The following MYT1L variants were observed in gnomAD, a reference collection of about 807,000 sequenced individuals.
MYT1L encodes the protein myelin transcription factor 1 like.
A neutral mutation model predicts 126.7 loss-of-function variants in MYT1L; 12 were observed. The observed-to-expected ratio is 0.09, with a 90% CI of 0.06 to 0.15. The LOEUF is 0.15. MYT1L is among the 10% of genes least tolerant of loss of function. The probability of loss-of-function intolerance (pLI) is 1.00; values close to 1 mark genes in which losing one functional copy is unlikely to be tolerated. For missense variants in MYT1L, 979 were observed against 1,585.2 expected (o/e 0.62, Z 6.49); for synonymous variants, 541 against 604.2 (o/e 0.90, Z 1.53).
At position 2,086,642 on chromosome 2, in the gene MYT1L, C is replaced by T. The variant is rs75364491; in HGVS notation, c.-303-32519G>A. On this transcript the variant is annotated intron_variant, in intron 3 of 24. Coordinates refer to ENST00000647738, the MANE Select transcript of MYT1L (RefSeq NM_001303052.2). ...TGAAGGTCCCTGGCTTCTGCCTGCC[C>T]TGCTGTTGGTTCTGAGGCTAGCAAA... Among the ~76,000 whole-genome samples the T allele has an allele frequency of 7.5e-3, 1,141 of 152,266 alleles. 8 individuals carry two copies. Among genetic ancestry groups the T allele is most frequent in the Middle Eastern group, 0.024 (7 of 294 alleles).
At chr2:2,319,609 A>G (rs1344289033) in intron 1 of MYT1L, among the ~76,000 whole-genome samples, 1 of 152,118 alleles carries the variant, frequency 6.6e-6, no homozygotes, top group Admixed American at 6.5e-5. Flanking sequence ...GGTCACCTGG[A>G]TTCCTGAAGT....
At chr2:1,944,731 T>C (rs1185640823) in intron 8 of MYT1L, among the ~76,000 whole-genome samples, 1 of 152,224 alleles carries the variant, frequency 6.6e-6, no homozygotes, top group East Asian at 1.9e-4. Flanking sequence ...CTTTATGCTC[T>C]AACAAGGGAT....
intron 21 of MYT1L, among the ~76,000 whole-genome samples, chr2:1,822,763 ACGG>A (rs2038735690): frequency 9.8e-6 from 1 of 102,518 alleles, no homozygotes; most frequent in South Asian, 3.0e-4. Context: ...TGCTGTGTCC[ACGG>A]TGAAACCCTC....
At chr2:2,148,935 C>T (rs1328824419) in intron 3 of MYT1L, among the ~76,000 whole-genome samples, 1 of 152,090 alleles carries the variant, frequency 6.6e-6, no homozygotes, top group East Asian at 1.9e-4. Context: ...CTGTAAGGAG[C>T]CCTGCCTCCC....
chr2:2,037,613 G>T (rs1053228345), intron 4 of MYT1L, among the ~76,000 whole-genome samples: 2 of 151,682 alleles, frequency 1.3e-5, no homozygotes, highest in Non-Finnish European at 2.9e-5. Context: ...AAAACTAGCT[G>T]GTCATGGTGG....
intron 3 of MYT1L, among the ~76,000 whole-genome samples, chr2:2,088,970 A>T (rs573108381): frequency 2.0e-4 from 30 of 152,346 alleles, no homozygotes; most frequent in Non-Finnish European, 4.3e-4. Context: ...TTGTTAAAAG[A>T]AATAGTTGTA....
chr2:1,877,681 C>G (rs1007421256), intron 18 of MYT1L, among the ~76,000 whole-genome samples: 1 of 152,098 alleles, frequency 6.6e-6, no homozygotes, highest in African/African-American at 2.4e-5. Context: ...CTGGGACAGG[C>G]AGGGGTTCCG....
chr2:1,810,360 C>G (rs1485697724), intron 21 of MYT1L, among the ~76,000 whole-genome samples: 2 of 151,978 alleles, frequency 1.3e-5, no homozygotes, highest in Admixed American at 1.3e-4. Flanking sequence ...GGCTGGTCTT[C>G]AACTCCTGAC....
rs1381940172 is a variant in MYT1L, at chr2:1,912,171, T to C, written c.1619-61A>G. On this transcript the variant is annotated intron_variant, in intron 11 of 24. Coordinates refer to ENST00000647738, the MANE Select transcript of MYT1L (RefSeq NM_001303052.2). The surrounding 1 kb of genome is among the most constrained non-coding windows in gnomAD (Gnocchi z 4.3). ...AAAACAGAGGCACGGTTAGGGCACATGAAAATGCAGTCATTTAACAAAGGC... is the reference window on the plus strand; with the variant it reads ...AAAACAGAGGCACGGTTAGGGCACACGAAAATGCAGTCATTTAACAAAGGC... The C allele has an allele frequency of 1.6e-5, 20 of 1,227,698 alleles. No homozygotes were observed. Among genetic ancestry groups the C allele is most frequent in the Non-Finnish European group, 2.3e-5 (20 of 878,390 alleles). 76.1% of individuals were successfully genotyped at this position (1,227,698 alleles called of 1,614,324 possible). A position where few individuals can be genotyped will look rare whatever the true frequency, so the allele number is the denominator to read the frequency against.
At chr2:1,964,546 G>A (rs114597514) in intron 8 of MYT1L, among the ~76,000 whole-genome samples, 460 of 152,048 alleles carry the variant, frequency 3.0e-3, no homozygotes, top group South Asian at 0.013. Flanking sequence ...CTAAGAAAAC[G>A]CCTCCAAAAT....
chr2:1,897,832 C>G (rs778048990), intron 14 of MYT1L, among the ~76,000 whole-genome samples: 2 of 152,092 alleles, frequency 1.3e-5, no homozygotes, highest in African/African-American at 4.8e-5. Context: ...TTCTTCCAGG[C>G]GCCCAGAACA....
At chr2:2,272,716 C>G (rs1274364376) in intron 2 of MYT1L, among the ~76,000 whole-genome samples, 12 of 152,214 alleles carry the variant, frequency 7.9e-5, no homozygotes, top group African/African-American at 2.9e-4. Context: ...CCTGTCTAAA[C>G]TGATCTCTGG....
rs771632725 is a variant in MYT1L, at chr2:1,791,961, G to A, written c.3467C>T (p.Thr1156Met). 7.5e-6 allele frequency: 12 copies of A among 1,609,134 alleles called. No homozygotes were observed. The highest frequency in any genetic ancestry group is 1.7e-5 in the Admixed American group (1 of 58,970). The change falls in exon 25 of 25, where the codon ACG (threonine) becomes ATG (methionine). Residue 1156 changes from threonine to methionine, a missense_variant. Thr to Met is a moderately conservative substitution (Grantham distance 81). This residue lies in a region of MYT1L where 179 missense variants were observed against 398.6 expected (regional missense o/e 0.45). Transcript: ENST00000647738. This position sits in a 1 kb window ranked among gnomAD's most constrained non-coding sequence, Gnocchi z 6.0. The part of the protein sequence containing the change: ...QNFDAYVTTL[T>M]EMYTNQDRYQ... ...ACGATCTTGATTTGTATACATTTCCGTCAAAGTAGTCACGTAAGCATCAAA... is the reference window on the plus strand; with the variant it reads ...ACGATCTTGATTTGTATACATTTCCATCAAAGTAGTCACGTAAGCATCAAA...
intron 2 of MYT1L, among the ~76,000 whole-genome samples, chr2:2,219,709 C>T: frequency 6.6e-6 from 1 of 152,148 alleles, no homozygotes; most frequent in South Asian, 2.1e-4. Flanking sequence ...AGTTGCTAGC[C>T]AGTCAGGACA....
chr2:2,316,688 A>G (rs1224419719), intron 1 of MYT1L, among the ~76,000 whole-genome samples: 1 of 152,238 alleles, frequency 6.6e-6, no homozygotes, highest in Admixed American at 6.5e-5. Flanking sequence ...TGTGTAAAGT[A>G]AGATAAAATT....
At position 1,943,532 on chromosome 2, in the gene MYT1L, A is replaced by G. The variant is rs1339305483; in HGVS notation, c.153-198T>C. On this transcript the variant is annotated intron_variant, in intron 8 of 24. Transcript: ENST00000647738. The surrounding 1 kb of genome is among the most constrained non-coding windows in gnomAD (Gnocchi z 4.4). ...AAATCTGTTAATGAAGTGATAGTGC[A>G]AATAAATACCGCTCACATTTGTCTA... is the stretch of plus-strand genomic sequence containing the variant. Among the ~76,000 whole-genome samples the G allele has an allele frequency of 6.6e-6, 1 of 152,238 alleles. No individual in the cohort carries two copies. The highest frequency in any genetic ancestry group is 1.5e-5 in the Non-Finnish European group (1 of 68,038).
intron 18 of MYT1L, among the ~76,000 whole-genome samples, chr2:1,856,325 T>C (rs2043911480): frequency 6.6e-6 from 1 of 152,198 alleles, no homozygotes; most frequent in South Asian, 2.1e-4. Context: ...TGTGAGCCTG[T>C]GTAAGAAGCG....
intron 3 of MYT1L, among the ~76,000 whole-genome samples, chr2:2,129,877 G>A (rs1463014928): frequency 6.7e-6 from 1 of 148,874 alleles, no homozygotes; most frequent in Non-Finnish European, 1.5e-5. Context: ...CTGTACTCCT[G>A]CCTGGGCGAC....
At chr2:2,164,449 G>C (rs1007672208) in intron 3 of MYT1L, among the ~76,000 whole-genome samples, 1 of 152,112 alleles carries the variant, frequency 6.6e-6, no homozygotes, top group African/African-American at 2.4e-5. Context: ...AAAACACGTG[G>C]GGATCATGAC....
Sources: allele counts gnomAD v4.1 joint callset (sites outside exome capture counted in the v4.1 genomes callset), GRCh38; gene constraint gnomAD v4.1.1; regional missense constraint gnomAD v4.1.1; non-coding constraint Gnocchi (gnomAD v3.1); transcripts MANE v1.5; gene names NCBI Gene and HGNC (gene_info 2026-07-23, HGNC 2026-07-21).